Variants in TGFBR3 observed in about 807,000 individuals in gnomAD.
TGFBR3 encodes transforming growth factor beta receptor 3.
TGFBR3 carries 46 observed loss-of-function variants against 87.9 expected under a neutral mutation model. The ratio of observed to expected loss-of-function variants is 0.52; its 90% confidence interval spans 0.41 to 0.67. TGFBR3 has a LOEUF of 0.67. Among genes scored for constraint, TGFBR3 ranks in the 30% least tolerant of loss-of-function variants. The pLI, the probability that TGFBR3 is intolerant of heterozygous loss-of-function variation, is 0.00. For missense variants in TGFBR3, 866 were observed against 1,041.9 expected (o/e 0.83, Z 2.32); for synonymous variants, 381 against 391.6 (o/e 0.97, Z 0.32).
intron 2 of TGFBR3, among the ~76,000 whole-genome samples, chr1:91,823,869 C>T (rs956570825): frequency 1.9e-4 from 29 of 152,202 alleles, no homozygotes; most frequent in African/African-American, 6.8e-4. Flanking sequence ...GTGGCTCACG[C>T]CTGTAATCCC....
chr1:91,808,452 T>G (rs764880462), intron 2 of TGFBR3, among the ~76,000 whole-genome samples: 6 of 152,144 alleles, frequency 3.9e-5, no homozygotes, highest in Non-Finnish European at 8.8e-5. Flanking sequence ...TCTGATTTAC[T>G]TTGTTTGGTA....
chr1:91,818,395 GT>G (rs1676325204), intron 2 of TGFBR3, among the ~76,000 whole-genome samples: 1 of 144,664 alleles, frequency 6.9e-6, no homozygotes, highest in Non-Finnish European at 1.5e-5. Context: ...ATGCCTCATT[GT>G]TTTCTATTTT....
At chr1:91,877,068 T>C (rs1347735465) in intron 1 of TGFBR3, among the ~76,000 whole-genome samples, 1 of 152,188 alleles carries the variant, frequency 6.6e-6, no homozygotes, top group Non-Finnish European at 1.5e-5. Flanking sequence ...CAAAATTTTT[T>C]TGCAAACCTC....
At chr1:91,866,015 T>C (rs1678385091) in intron 1 of TGFBR3, among the ~76,000 whole-genome samples, 1 of 152,046 alleles carries the variant, frequency 6.6e-6, no homozygotes, top group African/African-American at 2.4e-5. Context: ...CCCCTGGGTT[T>C]ATTTCTGAGT....
intron 2 of TGFBR3, among the ~76,000 whole-genome samples, chr1:91,825,206 AT>A (rs1387470515): frequency 1.3e-5 from 2 of 152,268 alleles, no homozygotes; most frequent in African/African-American, 4.8e-5. Context: ...TAACAACATT[AT>A]TCCTCATATC....
chr1:91,738,988 C>T (rs146928192), intron 4 of TGFBR3, among the ~76,000 whole-genome samples: 9 of 152,240 alleles, frequency 5.9e-5, no homozygotes, highest in East Asian at 3.9e-4. Flanking sequence ...ACAGTTGAGA[C>T]GCAGCAAGTG....
At chr1:91,737,003 G>A (rs1201858180) in intron 4 of TGFBR3, among the ~76,000 whole-genome samples, 4 of 152,178 alleles carry the variant, frequency 2.6e-5, no homozygotes, top group African/African-American at 4.8e-5. Context: ...CGGCAACTCC[G>A]AATTGTGTCC....
At chr1:91,817,805 T>C (rs771496068) in intron 2 of TGFBR3, among the ~76,000 whole-genome samples, 1 of 151,324 alleles carries the variant, frequency 6.6e-6, no homozygotes, top group Non-Finnish European at 1.5e-5. Flanking sequence ...TGGTGCGCTA[T>C]GAGGCAAATA....
At chr1:91,730,364 T>G (rs11466583) in intron 5 of TGFBR3, among the ~76,000 whole-genome samples, 15,783 of 152,188 alleles carry the variant, frequency 0.1, 1,300 homozygotes, top group East Asian at 0.4. Context: ...TAGGGAGCTT[T>G]CTTTTTTGAA....
At chr1:91,707,267 T>C (rs1032469124) in intron 14 of TGFBR3, among the ~76,000 whole-genome samples, 10 of 152,318 alleles carry the variant, frequency 6.6e-5, no homozygotes, top group African/African-American at 2.4e-4. Context: ...CAATCCAGTG[T>C]GCCTGCCACC....
chr1:91,860,934 C>CA (rs3039477), intron 2 of TGFBR3, among the ~76,000 whole-genome samples: 8,497 of 35,606 alleles, frequency 0.24, 2,793 homozygotes, highest in Non-Finnish European at 0.34. Flanking sequence ...TCTGTCTCCA[C>CA]AAAAAAAAAA....
At chr1:91,859,431 G>T (rs1678088125) in intron 2 of TGFBR3, among the ~76,000 whole-genome samples, 1 of 150,582 alleles carries the variant, frequency 6.6e-6, no homozygotes, top group African/African-American at 2.4e-5. Flanking sequence ...GGGAGGTGGG[G>T]GTGGGGGGGT....
At chr1:91,708,642 A>G (rs766582666) in intron 14 of TGFBR3, 21 bp downstream of exon 14, 1 of 1,613,840 alleles carries the variant, frequency 6.2e-7, no homozygotes. Context: ...CCATGCTCTG[A>G]TCGTGCCTCC....
chr1:91,703,913 C>T (rs1463831300), intron 14 of TGFBR3, among the ~76,000 whole-genome samples: 1 of 152,174 alleles, frequency 6.6e-6, no homozygotes, highest in Non-Finnish European at 1.5e-5. Context: ...TACACATTTC[C>T]CAACATCTTA....
intron 16 of TGFBR3, among the ~76,000 whole-genome samples, chr1:91,689,310 T>A (rs1178299947): frequency 2.6e-5 from 4 of 152,236 alleles, no homozygotes; most frequent in Non-Finnish European, 5.9e-5. Flanking sequence ...AAGGTTGGCA[T>A]GTGTGCCTGT....
At chr1:91,832,755 C>T (rs2101090317) in intron 2 of TGFBR3, among the ~76,000 whole-genome samples, 1 of 152,304 alleles carries the variant, frequency 6.6e-6, no homozygotes, top group Non-Finnish European at 1.5e-5. Context: ...GTAATCCCAG[C>T]ACTTTGGGAG....
intron 2 of TGFBR3, among the ~76,000 whole-genome samples, chr1:91,825,002 T>A (rs1204589446): frequency 1.3e-5 from 2 of 151,920 alleles, no homozygotes; most frequent in East Asian, 3.9e-4. Context: ...TGAAAAAGAG[T>A]TTGGCAGTTC....
Position 91,690,078 on chromosome 1 carries a change from G to A in TGFBR3, c.2437+5594C>T, listed in dbSNP as rs138019371. Among the ~76,000 whole-genome samples the A allele has an allele frequency of 3.0e-4, 45 of 152,218 alleles. 2 individuals are homozygous for A. In the East Asian group the frequency reaches 6.2e-3, roughly 21 times the overall value. On this transcript the variant is annotated intron_variant, in intron 16 of 16. Coordinates refer to ENST00000212355, the MANE Select transcript of TGFBR3 (RefSeq NM_003243.5). ...CTGACTTGGCAGACTCAAGAGAGCC[G>A]AAACCTAAGCCAACAGTGGGAAAAA...
chr1:91,848,848 G>A (rs1320606452), intron 2 of TGFBR3, among the ~76,000 whole-genome samples: 1 of 152,174 alleles, frequency 6.6e-6, no homozygotes, highest in Non-Finnish European at 1.5e-5. Context: ...CTATTAAGAC[G>A]ATGATTTTTC....
Sources: gnomAD v4.1 joint callset for allele counts (sites outside exome capture counted in the v4.1 genomes callset) on GRCh38, gnomAD v4.1.1 for gene constraint, MANE v1.5 for transcripts, NCBI Gene and HGNC (gene_info 2026-07-23, HGNC 2026-07-21) for gene names.